The following EYS variants were observed in gnomAD, a reference collection of about 807,000 sequenced individuals.
The protein encoded by EYS is protein eyes shut homolog.
In EYS, 250 loss-of-function variants were observed where a neutral mutation model predicts 282.1. The observed-to-expected ratio is 0.89, with a 90% CI of 0.80 to 0.98. The LOEUF is 0.98. EYS is among the 50% of genes least tolerant of loss of function. The probability of loss-of-function intolerance (pLI) is 0.00; values close to 1 mark genes in which losing one functional copy is unlikely to be tolerated. For missense variants in EYS, 4,016 were observed against 3,709.0 expected (o/e 1.08, Z -2.15); for synonymous variants, 1,355 against 1,282.9 (o/e 1.06, Z -1.20).
intron 26 of EYS, among the ~76,000 whole-genome samples, chr6:64,576,767 A>T (rs935081041): frequency 2.0e-5 from 3 of 152,126 alleles, no homozygotes; most frequent in African/African-American, 7.2e-5. Context: ...CCTTGTGCTT[A>T]ATTTGCCATT....
intron 30 of EYS, among the ~76,000 whole-genome samples, chr6:64,274,355 T>G (rs931269460): frequency 6.6e-6 from 1 of 152,072 alleles, no homozygotes; most frequent in Non-Finnish European, 1.5e-5. Context: ...TTCTGTTTAG[T>G]AGAGACGGGT....
intron 12 of EYS, among the ~76,000 whole-genome samples, chr6:65,085,956 C>G (rs376933114): frequency 4.4e-4 from 64 of 145,872 alleles, no homozygotes; most frequent in African/African-American, 1.6e-3. Flanking sequence ...TAATCTCTCC[C>G]TTCTCTACGT....
intron 29 of EYS, among the ~76,000 whole-genome samples, chr6:64,359,607 A>C (rs1771938845): frequency 6.6e-6 from 1 of 151,772 alleles, no homozygotes; most frequent in South Asian, 2.1e-4. Flanking sequence ...TTGCTCAATC[A>C]GAGTTCTGGA....
chr6:65,218,555 T>C (rs1415813374), intron 12 of EYS, among the ~76,000 whole-genome samples: 4 of 152,098 alleles, frequency 2.6e-5, no homozygotes, highest in Admixed American at 6.5e-5. Flanking sequence ...TTTTCACTCA[T>C]TGGGATTTTG....
intron 19 of EYS, among the ~76,000 whole-genome samples, chr6:64,842,461 G>A (rs775232902): frequency 3.9e-5 from 6 of 151,904 alleles, no homozygotes; most frequent in African/African-American, 1.5e-4. Context: ...TTGTGGAAGC[G>A]ACTTTGGAAC....
chr6:64,847,307 T>C (rs190725369), intron 19 of EYS, among the ~76,000 whole-genome samples: 145 of 151,924 alleles, frequency 9.5e-4, no homozygotes, highest in African/African-American at 3.3e-3. Context: ...GTGTGTATCC[T>C]ATTGGTTCTA....
chr6:65,319,099 C>T (rs963031178), intron 11 of EYS, among the ~76,000 whole-genome samples: 6 of 146,576 alleles, frequency 4.1e-5, no homozygotes, highest in African/African-American at 1.5e-4. Flanking sequence ...TGTCTCAGGC[C>T]TGTAATCCCA....
chr6:63,722,467 T>A (rs966678240), intron 42 of EYS, among the ~76,000 whole-genome samples: 1 of 152,148 alleles, frequency 6.6e-6, no homozygotes, highest in Non-Finnish European at 1.5e-5. Flanking sequence ...TTTATAATTA[T>A]ATAGTCGTGT....
At chr6:64,529,979 G>C (rs1019078278) in intron 26 of EYS, among the ~76,000 whole-genome samples, 1 of 152,074 alleles carries the variant, frequency 6.6e-6, no homozygotes, top group Non-Finnish European at 1.5e-5. Context: ...CTTGAAATTT[G>C]TGCATGGGTA....
intron 35 of EYS, among the ~76,000 whole-genome samples, chr6:63,883,702 T>C (rs1773191236): frequency 6.6e-6 from 1 of 152,246 alleles, no homozygotes; most frequent in Non-Finnish European, 1.5e-5. Flanking sequence ...AAACCTGTGG[T>C]ATAACCTCTG....
rs1280908465 is a variant in EYS, at chr6:65,495,216, T to C, written c.195A>G (p.Lys65=). 1.2e-6 allele frequency: 2 copies of C among 1,614,196 alleles called. No individual in the cohort carries two copies. Among genetic ancestry groups the C allele is most frequent in the Non-Finnish European group, 1.7e-6 (2 of 1,180,028 alleles). The change falls in exon 4 of 43, where the codon AAA becomes AAG. Residue 65 remains lysine, a synonymous_variant. Transcript: ENST00000503581. ...RDCWFLGVNT[K]IDTSGNQAVP... is the part of the protein sequence containing the mutation. ...CAGCTTGATTGCCTGAAGTATCTAT[T>C]TTAGTGTTTACACCCAAAAACCAGC...
chr6:65,468,295 T>C (rs1317082563), intron 5 of EYS, among the ~76,000 whole-genome samples: 1 of 152,124 alleles, frequency 6.6e-6, no homozygotes, highest in Non-Finnish European at 1.5e-5. Flanking sequence ...CAAAGCCTTC[T>C]TCTCATGCTT....
intron 14 of EYS, among the ~76,000 whole-genome samples, chr6:64,979,513 T>C (rs1012237606): frequency 2.0e-5 from 3 of 151,662 alleles, no homozygotes; most frequent in Admixed American, 1.3e-4. Context: ...AATTACACTT[T>C]GCACTACTTT....
rs1338832 is a variant in EYS, at chr6:64,435,112, A to G, written c.5927+1062T>C. 8.2e-3 allele frequency among the ~76,000 whole-genome samples: 1,243 copies of G among 152,174 alleles called. 18 individuals are homozygous for G. Among genetic ancestry groups the G allele is most frequent in the East Asian group, 0.049 (251 of 5,172 alleles). On this transcript the variant is annotated intron_variant, in intron 28 of 42. Coordinates refer to ENST00000503581, the MANE Select transcript of EYS (RefSeq NM_001142800.2). ...TTAGGAGATTAAAATGATGAGAAAG[A>G]TATTAAATGTGTGTCTGTGTCATGG...
intron 12 of EYS, among the ~76,000 whole-genome samples, chr6:65,197,742 C>A (rs1765804509): frequency 6.6e-6 from 1 of 151,890 alleles, no homozygotes; most frequent in Non-Finnish European, 1.5e-5. Context: ...AAACAGAAAA[C>A]ATACAGTAAA....
chr6:65,622,929 C>T (rs1296326404), intron 2 of EYS, among the ~76,000 whole-genome samples: 2 of 152,084 alleles, frequency 1.3e-5, no homozygotes, highest in East Asian at 1.9e-4. Context: ...GACTAATTTT[C>T]AAATTATTCG....
intron 12 of EYS, among the ~76,000 whole-genome samples, chr6:65,149,171 A>T (rs1165005833): frequency 6.6e-6 from 1 of 151,640 alleles, no homozygotes; most frequent in Non-Finnish European, 1.5e-5. Flanking sequence ...TCCTCAGAAA[A>T]TGGGTTTTTC....
At chr6:64,173,167 A>G (rs942262219) in intron 31 of EYS, among the ~76,000 whole-genome samples, 2 of 152,196 alleles carry the variant, frequency 1.3e-5, no homozygotes, top group African/African-American at 4.8e-5. Context: ...TATAGCAGCT[A>G]ACTCATAAAG....
intron 35 of EYS, among the ~76,000 whole-genome samples, chr6:63,965,118 T>TC (rs200929438): frequency 0.017 from 2,612 of 152,340 alleles, 65 homozygotes; most frequent in African/African-American, 0.053. Flanking sequence ...GCTTAACATT[T>TC]TACCTTTCCT....
Sources: gnomAD v4.1 joint callset for allele counts (sites outside exome capture counted in the v4.1 genomes callset) on GRCh38, gnomAD v4.1.1 for gene constraint, MANE v1.5 for transcripts, NCBI Gene and HGNC (gene_info 2026-07-23, HGNC 2026-07-21) for gene names.